Variants in NR6A1 observed in about 807,000 individuals in gnomAD.
NR6A1 encodes the protein nuclear receptor subfamily 6 group A member 1, also known as retinoic acid receptor-related testis-associated receptor.
In NR6A1, 7 loss-of-function variants were observed where a neutral mutation model predicts 59.1. The ratio of observed to expected loss-of-function variants is 0.12; its 90% CI spans 0.07 to 0.22. The LOEUF is 0.22. NR6A1 is among the 10% of genes least tolerant of loss of function. The pLI is 1.00. For synonymous variants in NR6A1, 243 were observed against 236.1 expected (o/e 1.03, Z -0.27); for missense variants, 468 against 611.6 (o/e 0.77, Z 2.48).
At chr9:124,624,468 A>C (rs1488167392) in intron 2 of NR6A1, among the ~76,000 whole-genome samples, 1 of 152,032 alleles carries the variant, frequency 6.6e-6, no homozygotes, top group Non-Finnish European at 1.5e-5. Context: ...ATATCCAGCC[A>C]CTCCAATTAG....
At chr9:124,666,744 T>G (rs1305580038) in intron 2 of NR6A1, among the ~76,000 whole-genome samples, 1 of 152,172 alleles carries the variant, frequency 6.6e-6, no homozygotes, top group Non-Finnish European at 1.5e-5. Context: ...TCCCAAACCC[T>G]GTTCTAGGCA....
At chr9:124,566,686 G>A (rs566498735) in intron 2 of NR6A1, among the ~76,000 whole-genome samples, 74 of 152,340 alleles carry the variant, frequency 4.9e-4, no homozygotes, top group Admixed American at 9.8e-4. Flanking sequence ...GATGAAGAGA[G>A]GAGGGGATAG....
At chr9:124,645,376 C>G (rs1836901009) in intron 2 of NR6A1, among the ~76,000 whole-genome samples, 1 of 152,116 alleles carries the variant, frequency 6.6e-6, no homozygotes, top group African/African-American at 2.4e-5. Context: ...AAACAAGACC[C>G]AACTATATGT....
chr9:124,663,136 A>G (rs1354220925), intron 2 of NR6A1, among the ~76,000 whole-genome samples: 1 of 152,222 alleles, frequency 6.6e-6, no homozygotes, highest in Non-Finnish European at 1.5e-5. Flanking sequence ...TGAATTGGCA[A>G]AACACCCAGT....
At chr9:124,704,601 T>C (rs888908494) in intron 2 of NR6A1, among the ~76,000 whole-genome samples, 3 of 152,206 alleles carry the variant, frequency 2.0e-5, no homozygotes, top group Non-Finnish European at 4.4e-5. Context: ...TTTCTTACAA[T>C]GGACGCTTAC....
At chr9:124,709,813 T>C (rs1839225812) in intron 2 of NR6A1, among the ~76,000 whole-genome samples, 1 of 151,878 alleles carries the variant, frequency 6.6e-6, no homozygotes, top group Non-Finnish European at 1.5e-5. Flanking sequence ...CAGGCACCTA[T>C]AACCCCAGCT....
rs570537124 is a variant in NR6A1, at chr9:124,548,850, C to T, written c.386-4993G>A. Among the ~76,000 whole-genome samples, 8 of 152,254 alleles carry T rather than the reference C, an allele frequency of 5.3e-5. No individual in the cohort carries two copies. The East Asian group carries it at 1.5e-3, about 29-fold the overall frequency. ...ACTTAACTAACATGACACCCACCCC[C>T]ACCACCCGCCACGAAGCTGACTGTA... is the stretch of plus-strand genomic sequence containing the variant. On this transcript the variant is annotated intron_variant, in intron 3 of 9. Transcript: ENST00000487099.
intron 2 of NR6A1, among the ~76,000 whole-genome samples, chr9:124,647,447 G>T (rs1836961598): frequency 6.6e-6 from 1 of 152,086 alleles, no homozygotes; most frequent in Non-Finnish European, 1.5e-5. Flanking sequence ...AGAAATGGGG[G>T]CCGGCCGCAG....
At chr9:124,770,741 G>C (rs1219615371) in intron 1 of NR6A1, among the ~76,000 whole-genome samples, 4 of 140,848 alleles carry the variant, frequency 2.8e-5, no homozygotes, top group Admixed American at 2.8e-4. Context: ...AGAGGGGACG[G>C]GGGGAGGGGG....
At chr9:124,547,309 C>T (rs888170735) in intron 3 of NR6A1, among the ~76,000 whole-genome samples, 5 of 152,220 alleles carry the variant, frequency 3.3e-5, no homozygotes, top group African/African-American at 1.2e-4. Flanking sequence ...CACTCAAAAC[C>T]TGTCGGTGGT....
chr9:124,683,242 GGAAAA>G lies in NR6A1; in HGVS notation c.142+50061_142+50065del, dbSNP rs1405666369. Among the ~76,000 whole-genome samples, 87 of 117,916 alleles carry G rather than the reference GGAAAA, an allele frequency of 7.4e-4. 1 individual carries two copies. The South Asian group carries it at 0.022, about 30-fold the overall frequency. The allele number at this position is 117,916 out of a possible 152,430, so 77.4% of individuals were successfully genotyped here. On this transcript the variant is annotated intron_variant, in intron 2 of 9. Transcript: ENST00000487099. The stretch of plus-strand genomic sequence containing the variant: ...AAGGAAGGGAAAGGGAAAGGGAAAA[GGAAAA>G]GGAAAAGGAAAAGGAAAAGGAAAAG...
intron 2 of NR6A1, among the ~76,000 whole-genome samples, chr9:124,609,098 G>A (rs1174983312): frequency 6.6e-6 from 1 of 151,992 alleles, no homozygotes; most frequent in Non-Finnish European, 1.5e-5. Flanking sequence ...TGTTCACTCT[G>A]ATGATAGTTT....
intron 4 of NR6A1, 140 bp from the exon 5 acceptor site, chr9:124,540,327 C>G: frequency 2.2e-6 from 2 of 928,888 alleles, no homozygotes; most frequent in South Asian, 3.8e-5. Context: ...CCGGGCCTCT[C>G]ACTAATCTTA....
chr9:124,705,403 C>T (rs1839095141), intron 2 of NR6A1, among the ~76,000 whole-genome samples: 1 of 152,100 alleles, frequency 6.6e-6, no homozygotes, highest in African/African-American at 2.4e-5. Context: ...TAATAATTAT[C>T]TTTTTCTCAT....
intron 2 of NR6A1, among the ~76,000 whole-genome samples, chr9:124,592,460 T>A (rs1835155814): frequency 6.6e-6 from 1 of 152,224 alleles, no homozygotes; most frequent in Admixed American, 6.5e-5. Flanking sequence ...GAATCAATTG[T>A]GTCAAGGAGG....
chr9:124,726,567 T>C (rs1391162740), intron 2 of NR6A1, among the ~76,000 whole-genome samples: 1 of 152,198 alleles, frequency 6.6e-6, no homozygotes, highest in African/African-American at 2.4e-5. Context: ...TGGAGAGAGG[T>C]AGACTTTTTG....
intron 7 of NR6A1, among the ~76,000 whole-genome samples, chr9:124,534,697 T>C (rs1243010821): frequency 6.6e-6 from 1 of 152,218 alleles, no homozygotes; most frequent in Admixed American, 6.5e-5. Context: ...GGCAGGCATA[T>C]GCTCAAATCT....
Position 124,567,095 on chromosome 9 carries a change from G to A in NR6A1, c.143-12525C>T, listed in dbSNP as rs1380558167. On this transcript the variant is annotated intron_variant, in intron 2 of 9. Transcript: ENST00000487099. ...TGCACTCCAGCCTGGGCGACAGAGCGAGACTCCGTCTCAAAAAAAAAAAAA... is the reference window on the plus strand; with the variant it reads ...TGCACTCCAGCCTGGGCGACAGAGCAAGACTCCGTCTCAAAAAAAAAAAAA... Among the ~76,000 whole-genome samples the A allele has an allele frequency of 7.3e-5, 11 of 150,618 alleles. No homozygotes were observed. In the South Asian group the frequency reaches 1.9e-3, roughly 26 times the overall value.
intron 2 of NR6A1, among the ~76,000 whole-genome samples, chr9:124,668,375 T>TA (rs564803688): frequency 1.0e-3 from 156 of 149,912 alleles, no homozygotes; most frequent in African/African-American, 3.8e-3. Flanking sequence ...CAGCCATACT[T>TA]AGTGTAACTT....
Sources: allele counts gnomAD v4.1 joint callset (sites outside exome capture counted in the v4.1 genomes callset), GRCh38; gene constraint gnomAD v4.1.1; transcripts MANE v1.5; gene names NCBI Gene and HGNC (gene_info 2026-07-23, HGNC 2026-07-21).